Variants in VIPR2 observed in about 807,000 individuals in gnomAD.
VIPR2 encodes the protein vasoactive intestinal peptide receptor 2.
Under a neutral mutation model 58.0 loss-of-function variants are expected in VIPR2, and 48 were observed. That is an observed-to-expected ratio of 0.83 (90% CI 0.66 to 1.05). The LOEUF is 1.05. Ranked by LOEUF, VIPR2 falls within the 50% of genes least tolerant of loss-of-function variation. The probability of loss-of-function intolerance (pLI) is 0.00; values close to 1 mark genes in which losing one functional copy is unlikely to be tolerated. For synonymous variants in VIPR2, 243 were observed against 235.2 expected (o/e 1.03, Z -0.30); for missense variants, 534 against 558.0 (o/e 0.96, Z 0.43).
chr7:159,051,732 A>G (rs1855018511), intron 5 of VIPR2, among the ~76,000 whole-genome samples: 1 of 152,232 alleles, frequency 6.6e-6, no homozygotes, highest in Non-Finnish European at 1.5e-5. Flanking sequence ...TAATAAAATT[A>G]TCTTAAATAT....
chr7:159,036,262 G>A (rs1348144608), intron 7 of VIPR2, among the ~76,000 whole-genome samples: 4 of 152,220 alleles, frequency 2.6e-5, no homozygotes, highest in Non-Finnish European at 5.9e-5. Flanking sequence ...GGTTATTACT[G>A]GAGGCCATGG....
intron 2 of VIPR2, among the ~76,000 whole-genome samples, chr7:159,140,034 T>C (rs1797399291): frequency 1.3e-5 from 2 of 152,256 alleles, no homozygotes; most frequent in African/African-American, 2.4e-5. Flanking sequence ...GTAAGAGAGC[T>C]TAGAATTGAA....
chr7:159,118,402 G>C (rs1249537166), intron 2 of VIPR2, among the ~76,000 whole-genome samples: 1 of 152,196 alleles, frequency 6.6e-6, no homozygotes, highest in African/African-American at 2.4e-5. Flanking sequence ...AGTCAGCCTG[G>C]TCCATCTCAG....
intron 4 of VIPR2, chr7:159,059,321 C>T (rs796509057): frequency 5.1e-5 from 24 of 471,376 alleles, no homozygotes; most frequent in African/African-American, 2.4e-4. Context: ...TCCCAAAGGC[C>T]GCTTCCTGGT....
intron 2 of VIPR2, among the ~76,000 whole-genome samples, chr7:159,119,975 T>C (rs1796396138): frequency 6.6e-6 from 1 of 151,594 alleles, no homozygotes; most frequent in Non-Finnish European, 1.5e-5. Flanking sequence ...GCCTGGTAGG[T>C]GGGGTCGGAA....
At chr7:159,080,326 T>G (rs371750640) in intron 4 of VIPR2, among the ~76,000 whole-genome samples, 1 of 152,176 alleles carries the variant, frequency 6.6e-6, no homozygotes, top group African/African-American at 2.4e-5. Flanking sequence ...CGAAAATCAA[T>G]AAACGTAATC....
intron 8 of VIPR2, among the ~76,000 whole-genome samples, chr7:159,035,045 G>A (rs941563934): frequency 1.4e-4 from 21 of 152,182 alleles, no homozygotes; most frequent in Admixed American, 6.5e-5. Context: ...GGTTTAAAAC[G>A]TCCTTAGAGC....
intron 2 of VIPR2, among the ~76,000 whole-genome samples, chr7:159,133,255 C>T (rs561825620): frequency 5.2e-4 from 80 of 152,402 alleles, no homozygotes; most frequent in African/African-American, 1.6e-3. Context: ...GAGAAGGACT[C>T]GTCAACACAC....
At chr7:159,121,600 TTAATA>T (rs1429381263) in intron 2 of VIPR2, among the ~76,000 whole-genome samples, 4 of 152,250 alleles carry the variant, frequency 2.6e-5, no homozygotes, top group Admixed American at 6.5e-5. Context: ...GCTTTCCCAC[TTAATA>T]TATCATGCAT....
intron 4 of VIPR2, among the ~76,000 whole-genome samples, chr7:159,059,946 CTCACTTCACCTAACAGTCACCT>C (rs1855541683): frequency 2.0e-5 from 3 of 151,564 alleles, no homozygotes; most frequent in African/African-American, 7.3e-5. Flanking sequence ...TAACCACCAT[CTCACTTCACCTAACAGTCACCT>C]TCACTTCACC....
chr7:159,035,925 G>A (rs368878319), intron 8 of VIPR2, 27 bp downstream of exon 8: 147 of 1,604,952 alleles, frequency 9.2e-5, no homozygotes, highest in South Asian at 2.1e-4. Context: ...GCCCGTTTTC[G>A]AGGTTGCAGT....
intron 2 of VIPR2, among the ~76,000 whole-genome samples, chr7:159,132,853 G>A (rs1409236513): frequency 4.7e-5 from 6 of 127,362 alleles, no homozygotes; most frequent in African/African-American, 5.5e-5. Context: ...TTGGCATACC[G>A]ATTGATTTTA....
intron 5 of VIPR2, among the ~76,000 whole-genome samples, chr7:159,058,021 G>T (rs942328239): frequency 3.9e-5 from 6 of 152,130 alleles, no homozygotes; most frequent in African/African-American, 1.4e-4. Flanking sequence ...CATTACAGAA[G>T]CACAGACAAG....
intron 4 of VIPR2, among the ~76,000 whole-genome samples, chr7:159,069,987 T>C (rs776137398): frequency 1.3e-5 from 2 of 152,168 alleles, no homozygotes; most frequent in Middle Eastern, 3.2e-3. Flanking sequence ...AGTTTACCCA[T>C]GGGAATTTTG....
intron 2 of VIPR2, among the ~76,000 whole-genome samples, chr7:159,123,131 A>G (rs1463290466): frequency 6.6e-6 from 1 of 151,928 alleles, no homozygotes; most frequent in African/African-American, 2.4e-5. Flanking sequence ...TGTCTCTGCT[A>G]AACATACAAA....
intron 3 of VIPR2, 138 bp downstream of exon 3, chr7:159,109,674 G>T: frequency 1.3e-6 from 1 of 768,050 alleles, no homozygotes; most frequent in East Asian, 2.7e-5. Context: ...ACCCCAATAT[G>T]CCACAGCTGT....
In VIPR2 at chr7:159,127,245, C is replaced by T. The variant is rs1796687000; in HGVS notation, c.151+15201G>A. 1.3e-5 allele frequency among the ~76,000 whole-genome samples: 2 copies of T among 152,284 alleles called. No homozygotes were observed. The highest frequency in any genetic ancestry group is 2.1e-4 in the South Asian group (1 of 4,820). ...TGGGAAACGCCATCTCCTGGGACAC[C>T]GCCCTTAGGAGGCACCTGGAAACTG... On this transcript the variant is annotated intron_variant, in intron 2 of 12. Coordinates refer to ENST00000262178, the MANE Select transcript of VIPR2 (RefSeq NM_003382.5). The surrounding 1 kb of genome is among the most constrained non-coding windows in gnomAD (Gnocchi z 4.6).
intron 4 of VIPR2, among the ~76,000 whole-genome samples, chr7:159,078,345 C>A (rs1345083980): frequency 3.9e-5 from 6 of 152,118 alleles, no homozygotes; most frequent in Admixed American, 3.9e-4. Context: ...CACGTAGAAG[C>A]CTAATTTAGG....
At chr7:159,108,434 AT>A (rs1317323337) in intron 3 of VIPR2, among the ~76,000 whole-genome samples, 17 of 152,262 alleles carry the variant, frequency 1.1e-4, no homozygotes, top group African/African-American at 2.2e-4. Flanking sequence ...ATTTCAGATC[AT>A]CTAGCTGCGA....
Sources: allele counts gnomAD v4.1 joint callset (sites outside exome capture counted in the v4.1 genomes callset), GRCh38; gene constraint gnomAD v4.1.1; non-coding constraint Gnocchi (gnomAD v3.1); transcripts MANE v1.5; gene names NCBI Gene and HGNC (gene_info 2026-07-23, HGNC 2026-07-21).